Variants in EPHA6 observed in about 807,000 individuals in gnomAD.
EPHA6 encodes ephrin type-A receptor 6.
Under a neutral mutation model 112.0 loss-of-function variants are expected in EPHA6, and 50 were observed. The observed-to-expected ratio is 0.45, with a 90% confidence interval of 0.36 to 0.56. The LOEUF is 0.56. Among genes scored for constraint, EPHA6 ranks in the 20% least tolerant of loss-of-function variants. EPHA6 has a pLI of 0.00. For synonymous variants in EPHA6, 529 were observed against 490.7 expected, an observed-to-expected ratio of 1.08 and a Z score of -1.03; for missense variants, 1,280 against 1,417.4, an observed-to-expected ratio of 0.90 and a Z score of 1.56.
At chr3:97,225,726 CAT>C (rs2078335287) in intron 3 of EPHA6, among the ~76,000 whole-genome samples, 2 of 151,884 alleles carry the variant, frequency 1.3e-5, no homozygotes, top group African/African-American at 2.4e-5. Flanking sequence ...TAAAAGCAAA[CAT>C]AAACTATCAA....
At chr3:96,847,602 G>A (rs6777387) in intron 1 of EPHA6, among the ~76,000 whole-genome samples, 1,982 of 152,102 alleles carry the variant, frequency 0.013, 47 homozygotes, top group African/African-American at 0.044. Flanking sequence ...TTTATGAAAC[G>A]AAACATTTAA....
chr3:96,939,889 C>G (rs553355028), intron 2 of EPHA6, among the ~76,000 whole-genome samples: 4 of 152,256 alleles, frequency 2.6e-5, no homozygotes, highest in African/African-American at 9.6e-5. Flanking sequence ...GCAGGTTGTT[C>G]AGTTTCCATG....
chr3:96,895,494 TAC>T (rs1243897697), intron 2 of EPHA6, among the ~76,000 whole-genome samples: 1 of 152,126 alleles, frequency 6.6e-6, no homozygotes, highest in Non-Finnish European at 1.5e-5. Flanking sequence ...AGCCTAAGTG[TAC>T]AGAGTTTATA....
chr3:97,432,802 C>A (rs2089594964), intron 6 of EPHA6, among the ~76,000 whole-genome samples: 1 of 152,104 alleles, frequency 6.6e-6, no homozygotes, highest in African/African-American at 2.4e-5. Context: ...CCTTATAAAA[C>A]CACCATATGT....
At chr3:96,969,218 G>A (rs968301048) in intron 2 of EPHA6, among the ~76,000 whole-genome samples, 16 of 151,828 alleles carry the variant, frequency 1.1e-4, no homozygotes, top group Admixed American at 2.6e-4. Flanking sequence ...CTTACATGTT[G>A]TGTTTAAGAA....
At chr3:97,485,801 A>G (rs1316032046) in intron 10 of EPHA6, among the ~76,000 whole-genome samples, 3 of 152,196 alleles carry the variant, frequency 2.0e-5, no homozygotes, top group Admixed American at 6.5e-5. Context: ...TCCATTGCAC[A>G]CGATGTTTGG....
chr3:97,548,071 G>A (rs931076101), intron 11 of EPHA6, among the ~76,000 whole-genome samples: 1 of 152,160 alleles, frequency 6.6e-6, no homozygotes, highest in African/African-American at 2.4e-5. Flanking sequence ...TGTACCCACT[G>A]TCCTGCACCT....
chr3:97,068,165 G>GAAAAAAAAAA (rs75312712), intron 3 of EPHA6, among the ~76,000 whole-genome samples: 1 of 69,626 alleles, frequency 1.4e-5, no homozygotes. Context: ...AAAAAAAAAA[G>GAAAAAAAAAA]AAAAAAAAAA....
At chr3:97,360,633 A>C (rs2084324450) in intron 5 of EPHA6, among the ~76,000 whole-genome samples, 1 of 152,138 alleles carries the variant, frequency 6.6e-6, no homozygotes, top group African/African-American at 2.4e-5. Flanking sequence ...CACACTGGGA[A>C]TCTAATAAGA....
intron 1 of EPHA6, among the ~76,000 whole-genome samples, chr3:96,842,043 C>T (rs1426843955): frequency 6.6e-6 from 1 of 152,008 alleles, no homozygotes; most frequent in Non-Finnish European, 1.5e-5. Context: ...TGCCACGAAG[C>T]CAGGAGAGGA....
chr3:97,717,869 T>A (rs1484324374), intron 14 of EPHA6, among the ~76,000 whole-genome samples: 1 of 152,216 alleles, frequency 6.6e-6, no homozygotes. Flanking sequence ...TAAATTTATA[T>A]GTGAATAATT....
chr3:96,914,250 A>G (rs550604769), intron 2 of EPHA6, among the ~76,000 whole-genome samples: 1 of 152,296 alleles, frequency 6.6e-6, no homozygotes, highest in South Asian at 2.1e-4. Flanking sequence ...TGAATTGTAG[A>G]TATCTATCTT....
intron 5 of EPHA6, among the ~76,000 whole-genome samples, chr3:97,391,365 G>A (rs902195411): frequency 6.6e-6 from 1 of 151,796 alleles, no homozygotes; most frequent in Non-Finnish European, 1.5e-5. Flanking sequence ...TCCCGTGGGC[G>A]GTTTCTATCT....
intron 2 of EPHA6, among the ~76,000 whole-genome samples, chr3:96,923,425 T>C (rs566855694): frequency 2.0e-5 from 3 of 152,354 alleles, no homozygotes; most frequent in African/African-American, 7.2e-5. Context: ...AGTTGTTGAC[T>C]GCATGCATGT....
At chr3:97,080,890 A>G (rs2046699311) in intron 3 of EPHA6, among the ~76,000 whole-genome samples, 2 of 152,006 alleles carry the variant, frequency 1.3e-5, no homozygotes, top group African/African-American at 4.8e-5. Flanking sequence ...AAGCACATAG[A>G]CATATGCTTA....
At chr3:97,466,763 C>G (rs2091069490) in intron 7 of EPHA6, among the ~76,000 whole-genome samples, 1 of 151,964 alleles carries the variant, frequency 6.6e-6, no homozygotes, top group Admixed American at 6.6e-5. Context: ...TTATTATGAC[C>G]TCTTCCTTGC....
At chr3:97,195,427 A>G (rs1404305680) in intron 3 of EPHA6, among the ~76,000 whole-genome samples, 1 of 151,938 alleles carries the variant, frequency 6.6e-6, no homozygotes, top group Non-Finnish European at 1.5e-5. Context: ...TTGTTTCTAT[A>G]TATATCTTAT....
chr3:97,626,692 G>A (rs1187103283), intron 13 of EPHA6, among the ~76,000 whole-genome samples: 1 of 151,856 alleles, frequency 6.6e-6, no homozygotes, highest in Non-Finnish European at 1.5e-5. Flanking sequence ...TAGGGTACTG[G>A]CAGTAGTGTG....
chr3:97,725,527 T>G (rs1390340943), intron 15 of EPHA6, among the ~76,000 whole-genome samples: 4 of 152,198 alleles, frequency 2.6e-5, no homozygotes, highest in Non-Finnish European at 5.9e-5. Context: ...CAAGAGCAAC[T>G]TTATTTACTG....
Sources: allele counts gnomAD v4.1 joint callset (sites outside exome capture counted in the v4.1 genomes callset), GRCh38; gene constraint gnomAD v4.1.1; transcripts MANE v1.5; gene names NCBI Gene and HGNC (gene_info 2026-07-23, HGNC 2026-07-21).